AFF4: variants seen among roughly 807,000 people sequenced by gnomAD.
AFF4 encodes the protein ALF transcription elongation factor 4, also known as AF4/FMR2 family member 4.
Under a neutral mutation model 124.8 loss-of-function variants are expected in AFF4, and 13 were observed. That is an observed-to-expected ratio of 0.10 (90% CI 0.07 to 0.17). The LOEUF (loss-of-function observed/expected upper bound fraction) is 0.17, where lower values mean the gene tolerates loss of function less well. Among genes scored for constraint, AFF4 ranks in the 10% least tolerant of loss-of-function variants. AFF4 has a pLI of 1.00. For synonymous variants in AFF4, 477 were observed against 496.1 expected, an observed-to-expected ratio of 0.96 and a Z score of 0.51; for missense variants, 1,092 against 1,403.8, an observed-to-expected ratio of 0.78 and a Z score of 3.55.
In AFF4 at chr5:132,913,993, C is replaced by T. The variant is rs117996034; in HGVS notation, c.1051-9589G>A. Reference sequence around the variant, plus strand: ...CTGTAATCCCAGCACTTTGGGACACCGAGGTGGGTGGATCGCTTGAGTCCA... The same window carrying T: ...CTGTAATCCCAGCACTTTGGGACACTGAGGTGGGTGGATCGCTTGAGTCCA... On this transcript the variant is annotated intron_variant, in intron 5 of 20. Coordinates refer to ENST00000265343, the MANE Select transcript of AFF4 (RefSeq NM_014423.4). Among the ~76,000 whole-genome samples, 780 of 151,952 alleles carry T rather than the reference C, an allele frequency of 5.1e-3. 38 individuals are homozygous for T. In the East Asian group the frequency reaches 0.13, roughly 25 times the overall value.
chr5:132,928,976 G>A (rs920792832), intron 4 of AFF4, among the ~76,000 whole-genome samples: 5 of 152,068 alleles, frequency 3.3e-5, no homozygotes, highest in South Asian at 4.1e-4. Flanking sequence ...TCAGCTCAAA[G>A]GCATAACATT....
rs981430423 is a variant in AFF4, at chr5:132,878,887, C to A, written c.*2172G>T. 2 of 222,408 alleles carry A rather than the reference C, an allele frequency of 9.0e-6. No homozygotes were observed. The highest frequency in any genetic ancestry group is 1.8e-5 in the Non-Finnish European group (2 of 111,372). 13.8% of individuals were successfully genotyped at this position (222,408 alleles called of 1,614,324 possible). A position where few individuals can be genotyped will look rare whatever the true frequency, so the allele number is the denominator to read the frequency against. The stretch of plus-strand genomic sequence containing the variant: ...CTGTTGTTGCTGAAAGTCTGAAAGC[C>A]CAGAGGATACTTTTTCCATTTCTAA... On this transcript the variant is annotated 3_prime_UTR_variant, in exon 21 of 21. Transcript: ENST00000265343.
chr5:132,888,997 A>AT, intron 14 of AFF4, 82 bp downstream of exon 14: 1 of 1,354,284 alleles, frequency 7.4e-7, no homozygotes, highest in East Asian at 2.3e-5. Context: ...CGCCCGGCCA[A>AT]TGATAGAAAT....
At chr5:132,955,346 G>C (rs1247256450) in intron 1 of AFF4, among the ~76,000 whole-genome samples, 3 of 152,004 alleles carry the variant, frequency 2.0e-5, no homozygotes, top group Non-Finnish European at 2.9e-5. Context: ...AGCTTGAGGG[G>C]CCCTCACCAG....
chr5:132,932,306 G>GT (rs1407177498), intron 3 of AFF4, 84 bp from the exon 4 acceptor site: 36 of 1,129,428 alleles, frequency 3.2e-5, no homozygotes, highest in Non-Finnish European at 3.1e-5. Flanking sequence ...ATTATTAAAA[G>GT]TATTTATGAC....
chr5:132,945,953 G>A (rs367697492), intron 1 of AFF4, among the ~76,000 whole-genome samples: 1 of 152,082 alleles, frequency 6.6e-6, no homozygotes, highest in East Asian at 1.9e-4. Flanking sequence ...CCAGCTACTC[G>A]GGAGGATGAG....
At chr5:132,901,373 G>A (rs914425627) in intron 7 of AFF4, among the ~76,000 whole-genome samples, 4 of 152,178 alleles carry the variant, frequency 2.6e-5, no homozygotes, top group Non-Finnish European at 4.4e-5. Flanking sequence ...AGCAGTGAAG[G>A]GGGTACTTCT....
intron 7 of AFF4, among the ~76,000 whole-genome samples, chr5:132,900,487 G>C (rs958077699): frequency 2.6e-4 from 40 of 152,052 alleles, no homozygotes; most frequent in African/African-American, 9.7e-4. Context: ...TTGAACCCGG[G>C]AGCTGGAGGT....
chr5:132,957,144 C>T (rs1041661407), intron 1 of AFF4, among the ~76,000 whole-genome samples: 6 of 150,850 alleles, frequency 4.0e-5, no homozygotes, highest in Non-Finnish European at 8.8e-5. Flanking sequence ...AATTTGTAAC[C>T]AGCCCAGGCA....
chr5:132,957,006 T>G (rs1761975362), intron 1 of AFF4, among the ~76,000 whole-genome samples: 1 of 110,418 alleles, frequency 9.1e-6, no homozygotes, highest in Non-Finnish European at 1.6e-5. Flanking sequence ...GGTGACAGTG[T>G]GAGACTTCGT....
chr5:132,920,112 C>T lies in AFF4; in HGVS notation c.1050+7009G>A, dbSNP rs542973336. Among the ~76,000 whole-genome samples the T allele has an allele frequency of 1.5e-3, 234 of 151,712 alleles. 1 individual carries two copies. Among genetic ancestry groups the T allele is most frequent in the African/African-American group, 5.4e-3 (223 of 41,362 alleles). On this transcript the variant is annotated intron_variant, in intron 5 of 20. Transcript: ENST00000265343. The stretch of plus-strand genomic sequence containing the variant: ...TTGCCCAGGCTGGAGTGCACTGGCG[C>T]AATCTTGGCTCACTGCAACCTCCGC...
At chr5:132,922,220 G>A (rs767916312) in intron 5 of AFF4, among the ~76,000 whole-genome samples, 2 of 152,066 alleles carry the variant, frequency 1.3e-5, no homozygotes, top group South Asian at 4.1e-4. Flanking sequence ...GAGTTCAAGA[G>A]CAGCCTGAGC....
chr5:132,910,210 A>G (rs1760762091), intron 5 of AFF4, among the ~76,000 whole-genome samples: 1 of 152,248 alleles, frequency 6.6e-6, no homozygotes, highest in South Asian at 2.1e-4. Flanking sequence ...GATGAATCAC[A>G]TGGAACAGAG....
At chr5:132,923,910 A>G (rs563072981) in intron 5 of AFF4, among the ~76,000 whole-genome samples, 1 of 152,326 alleles carries the variant, frequency 6.6e-6, no homozygotes, top group South Asian at 2.1e-4. Context: ...GCTCATCAAC[A>G]GGAAGCAAAT....
At position 132,877,481 on chromosome 5, in the gene AFF4, AAC is replaced by A. The variant is rs1271080269; in HGVS notation, c.*3576_*3577del. ...ATAGTTGCACTAAGCTAAAATACTA[AAC>A]ACACACATATTTGACAAACTAATTT... is the stretch of plus-strand genomic sequence containing the variant. On this transcript the variant is annotated 3_prime_UTR_variant, in exon 21 of 21. Transcript: ENST00000265343. 1.9e-5 allele frequency: 4 copies of A among 214,376 alleles called. No homozygotes were observed. Among genetic ancestry groups the A allele is most frequent in the South Asian group, 1.9e-4 (1 of 5,382 alleles). 13.3% of individuals were successfully genotyped at this position (214,376 alleles called of 1,614,324 possible).
chr5:132,904,186 GATC>G, intron 6 of AFF4, 179 bp downstream of exon 6: 1 of 449,624 alleles, frequency 2.2e-6, no homozygotes. Context: ...GAGCCCTGGA[GATC>G]GAGGCTGCAG....
At position 132,881,828 on chromosome 5, in the gene AFF4, T is replaced by TTTTG. The variant is rs959550247; in HGVS notation, c.3365-643_3365-642insCAAA. ...CAGCCAAATATAAAATACAAAAAAG[T>TTTTG]TTTTTTTTTTTTTTTTTAGTAGAGA... On this transcript the variant is annotated intron_variant, in intron 20 of 20. Transcript: ENST00000265343. Among the ~76,000 whole-genome samples, 5 of 104,780 alleles carry TTTTG rather than the reference T, an allele frequency of 4.8e-5. No individual in the cohort carries two copies. The East Asian group carries it at 1.4e-3, about 28-fold the overall frequency. 68.7% of individuals were successfully genotyped at this position (104,780 alleles called of 152,430 possible). A position where few individuals can be genotyped will look rare whatever the true frequency, so the allele number is the denominator to read the frequency against.
chr5:132,909,936 A>G (rs1032252560), intron 5 of AFF4, among the ~76,000 whole-genome samples: 2 of 152,252 alleles, frequency 1.3e-5, no homozygotes, highest in Non-Finnish European at 2.9e-5. Flanking sequence ...ACCTAGGTAA[A>G]GAGGTTCTAG....
At chr5:132,911,707 A>C (rs994437028) in intron 5 of AFF4, among the ~76,000 whole-genome samples, 1 of 152,046 alleles carries the variant, frequency 6.6e-6, no homozygotes, top group Non-Finnish European at 1.5e-5. Flanking sequence ...CAAGTTTCCC[A>C]AATTTGATGG....
Sources: allele counts gnomAD v4.1 joint callset (sites outside exome capture counted in the v4.1 genomes callset), GRCh38; gene constraint gnomAD v4.1.1; transcripts MANE v1.5; gene names NCBI Gene and HGNC (gene_info 2026-07-23, HGNC 2026-07-21).